ERC1: variants seen among roughly 807,000 people sequenced by gnomAD.
ERC1 encodes the protein RAB6 interacting protein 2.
Under a neutral mutation model 132.0 loss-of-function variants are expected in ERC1, and 56 were observed. That is an observed-to-expected ratio of 0.42 (90% confidence interval 0.34 to 0.53). The LOEUF (loss-of-function observed/expected upper bound fraction) is 0.53. Among genes scored for constraint, ERC1 ranks in the 20% least tolerant of loss-of-function variants. The pLI, the probability that ERC1 is intolerant of heterozygous loss-of-function variation, is 0.03. For missense variants in ERC1, 1,202 were observed against 1,349.9 expected, an observed-to-expected ratio of 0.89 and a Z score of 1.72; for synonymous variants, 478 against 476.1, an observed-to-expected ratio of 1.00 and a Z score of -0.05.
chr12:1,383,375 A>G (rs1362080354), intron 16 of ERC1, among the ~76,000 whole-genome samples: 2 of 151,240 alleles, frequency 1.3e-5, no homozygotes, highest in Non-Finnish European at 3.0e-5. Context: ...CCTCCGTTAA[A>G]CTTCTCTTGG....
intron 2 of ERC1, among the ~76,000 whole-genome samples, chr12:1,069,791 A>G (rs879811768): frequency 6.6e-6 from 1 of 152,230 alleles, no homozygotes; most frequent in Non-Finnish European, 1.5e-5. Flanking sequence ...TGGGATAAAT[A>G]GATTTTAAAT....
At chr12:1,260,130 GT>G (rs1047116205) in intron 13 of ERC1, among the ~76,000 whole-genome samples, 3 of 152,058 alleles carry the variant, frequency 2.0e-5, no homozygotes, top group Admixed American at 6.6e-5. Flanking sequence ...TGAGAGAGTC[GT>G]TGAGTGAGAT....
chr12:1,158,443 T>C (rs1021172084), intron 8 of ERC1, among the ~76,000 whole-genome samples: 1 of 152,058 alleles, frequency 6.6e-6, no homozygotes, highest in Non-Finnish European at 1.5e-5. Context: ...ATTTATTTTT[T>C]TTTTGAGAAG....
chr12:1,079,848 A>G (rs1008088838), intron 2 of ERC1, among the ~76,000 whole-genome samples: 3 of 151,680 alleles, frequency 2.0e-5, no homozygotes, highest in Non-Finnish European at 4.4e-5. Context: ...TAATATGACA[A>G]AAGTCGATAT....
At chr12:990,021 T>A (rs1452552484), upstream of ERC1, 1 of 152,200 alleles carries the variant, frequency 6.6e-6, no homozygotes, top group Non-Finnish European at 1.5e-5. Flanking sequence ...GAAACTGCAA[T>A]GATCCAAGTG....
chr12:1,216,883 C>T (rs1958481499), intron 12 of ERC1, among the ~76,000 whole-genome samples: 1 of 151,876 alleles, frequency 6.6e-6, no homozygotes, highest in Admixed American at 6.6e-5. Flanking sequence ...GGGAGTGTTG[C>T]AGAATAATAA....
chr12:1,251,159 T>A (rs933873562), intron 13 of ERC1, among the ~76,000 whole-genome samples: 5 of 152,136 alleles, frequency 3.3e-5, no homozygotes, highest in Non-Finnish European at 5.9e-5. Flanking sequence ...TATCCTTCAT[T>A]TTTAGATTTG....
intron 13 of ERC1, among the ~76,000 whole-genome samples, chr12:1,243,143 C>T (rs1251077547): frequency 6.5e-5 from 9 of 138,648 alleles, no homozygotes; most frequent in African/African-American, 2.3e-4. Flanking sequence ...GCTGAGATTG[C>T]GCCACTGCAG....
Position 1,263,157 on chromosome 12 carries a change from G to GA in ERC1, c.2616dup (p.Gln873ThrfsTer39). On this transcript the variant is annotated frameshift_variant, in exon 14 of 19. Transcript: ENST00000360905. LOFTEE classifies it high-confidence loss of function. ...AGAGGAATCAGCCAGGACCAATGCTGAAAAACAGGTCTGCTATTTTATACA... is the reference window on the plus strand; with the variant it reads ...AGAGGAATCAGCCAGGACCAATGCTGAAAAAACAGGTCTGCTATTTTATACA... The GA allele has an allele frequency of 6.2e-7, 1 of 1,613,808 alleles. No individual in the cohort carries two copies. The highest frequency in any genetic ancestry group is 8.5e-7 in the Non-Finnish European group (1 of 1,179,920).
At chr12:1,408,323 C>T in intron 17 of ERC1, 76 bp downstream of exon 17, 1 of 979,516 alleles carries the variant, frequency 1.0e-6, no homozygotes, top group South Asian at 1.5e-5. Flanking sequence ...TAGCATGTTG[C>T]AAATTCTGAG....
chr12:1,456,087 A>G (rs2093528050), intron 18 of ERC1, among the ~76,000 whole-genome samples: 1 of 152,196 alleles, frequency 6.6e-6, no homozygotes, highest in Non-Finnish European at 1.5e-5. Flanking sequence ...TGTGCTGTGT[A>G]ACACAATTTC....
intron 12 of ERC1, among the ~76,000 whole-genome samples, chr12:1,194,366 A>G (rs1649242855): frequency 6.6e-6 from 1 of 152,204 alleles, no homozygotes; most frequent in African/African-American, 2.4e-5. Flanking sequence ...GGTTGCAGTG[A>G]GCCAAGATCA....
At chr12:1,302,441 T>C (rs951680291) in intron 15 of ERC1, among the ~76,000 whole-genome samples, 1 of 152,162 alleles carries the variant, frequency 6.6e-6, no homozygotes, top group Non-Finnish European at 1.5e-5. Context: ...ACAATGTCTA[T>C]ATCCCCCTAT....
At position 1,493,548 on chromosome 12, in the gene ERC1, A is replaced by AAAAAAAAAAAATATATATAT. The variant is rs56939346; in HGVS notation, c.*3319_*3320insAAAAAAAAAATATATATATA. The AAAAAAAAAAAATATATATAT allele has an allele frequency of 7.3e-5, 1 of 13,618 alleles. No homozygotes were observed. Among genetic ancestry groups the AAAAAAAAAAAATATATATAT allele is most frequent in the African/African-American group, 2.2e-4 (1 of 4,554 alleles). 0.8% of individuals were successfully genotyped at this position (13,618 alleles called of 1,614,324 possible). On this transcript the variant is annotated 3_prime_UTR_variant, in exon 19 of 19. Transcript: ENST00000360905. ...ACTCCATTTAAAAAAAAAAAAAAAA[A>AAAAAAAAAAAATATATATAT]ATATATATATATATATATATATATA...
intron 8 of ERC1, among the ~76,000 whole-genome samples, chr12:1,179,656 C>T (rs1469382541): frequency 1.3e-4 from 20 of 151,492 alleles, no homozygotes; most frequent in African/African-American, 2.7e-4. Context: ...TACAGGCGCC[C>T]GCCACTACGC....
rs1192440740 is a variant in ERC1, at chr12:1,388,329, G to C, written c.2925+16352G>C. 4.4e-4 allele frequency among the ~76,000 whole-genome samples: 58 copies of C among 131,422 alleles called. 1 individual carries two copies. The highest frequency in any genetic ancestry group is 3.8e-3 in the East Asian group (17 of 4,520). 86.2% of individuals were successfully genotyped at this position (131,422 alleles called of 152,430 possible). A position where few individuals can be genotyped will look rare whatever the true frequency, so the allele number is the denominator to read the frequency against. On this transcript the variant is annotated intron_variant, in intron 16 of 18. Coordinates refer to ENST00000360905, the MANE Select transcript of ERC1 (RefSeq NM_178040.4). The stretch of plus-strand genomic sequence containing the variant: ...TGCGCCACCGCACTCCAGCCTGGGT[G>C]ACAGAGACTCTGTCTCAAAAAAAAA...
intron 12 of ERC1, among the ~76,000 whole-genome samples, chr12:1,205,082 G>A (rs1337719127): frequency 2.0e-5 from 3 of 152,108 alleles, no homozygotes; most frequent in Admixed American, 6.5e-5. Flanking sequence ...AACATATTTT[G>A]TTTCAGTTGA....
chr12:1,210,984 CAA>C (rs147811983), intron 12 of ERC1, among the ~76,000 whole-genome samples: 31 of 114,546 alleles, frequency 2.7e-4, no homozygotes, highest in African/African-American at 4.1e-4. Flanking sequence ...GACTGTGTCT[CAA>C]AAAAAAAAAA....
intron 15 of ERC1, among the ~76,000 whole-genome samples, chr12:1,313,988 CATA>C: frequency 6.6e-6 from 1 of 151,658 alleles, no homozygotes; most frequent in Non-Finnish European, 1.5e-5. Context: ...TGTCTAAAAA[CATA>C]ATAATAATAA....
Sources: gnomAD v4.1 joint callset for allele counts (sites outside exome capture counted in the v4.1 genomes callset) on GRCh38, gnomAD v4.1.1 for gene constraint, MANE v1.5 for transcripts, NCBI Gene and HGNC (gene_info 2026-07-23, HGNC 2026-07-21) for gene names.